The following SLC24A3 variants were observed in gnomAD, a reference collection of about 807,000 sequenced individuals.
The protein encoded by SLC24A3 is solute carrier family 24 member 3.
In SLC24A3, 28 loss-of-function variants were observed where a neutral mutation model predicts 75.8. The observed-to-expected ratio is 0.37, with a 90% CI of 0.27 to 0.51. The LOEUF (loss-of-function observed/expected upper bound fraction) is 0.51, where lower values mean the gene tolerates loss of function less well. SLC24A3 is among the 20% of genes least tolerant of loss of function. The pLI is 0.94. For missense variants in SLC24A3, 663 were observed against 847.8 expected (o/e 0.78, Z 2.71); for synonymous variants, 372 against 334.1 (o/e 1.11, Z -1.24).
intron 2 of SLC24A3, among the ~76,000 whole-genome samples, chr20:19,327,714 C>T (rs1984902234): frequency 6.6e-6 from 1 of 152,186 alleles, no homozygotes; most frequent in Non-Finnish European, 1.5e-5. Context: ...CTTGGTTTCC[C>T]CTACTTTCAT....
intron 2 of SLC24A3, among the ~76,000 whole-genome samples, chr20:19,450,542 G>C (rs1301231563): frequency 6.6e-6 from 1 of 152,150 alleles, no homozygotes; most frequent in Non-Finnish European, 1.5e-5. Flanking sequence ...CACCTGCCCA[G>C]TCCCCCTCAC....
intron 7 of SLC24A3, among the ~76,000 whole-genome samples, chr20:19,658,551 C>T (rs1379611071): frequency 6.6e-6 from 1 of 152,168 alleles, no homozygotes; most frequent in Admixed American, 6.5e-5. Flanking sequence ...TTGTCTAAAG[C>T]AATTATAATT....
At chr20:19,585,181 G>T in intron 5 of SLC24A3, 126 bp downstream of exon 5, 1 of 849,476 alleles carries the variant, frequency 1.2e-6, no homozygotes, top group East Asian at 2.6e-5. Flanking sequence ...GGACCCCAAT[G>T]AGTAGAACAT....
At chr20:19,588,603 A>C (rs1964920984) in intron 6 of SLC24A3, among the ~76,000 whole-genome samples, 1 of 152,244 alleles carries the variant, frequency 6.6e-6, no homozygotes, top group African/African-American at 2.4e-5. Flanking sequence ...TGGCTTATAG[A>C]GAGGTTCTTG....
At chr20:19,443,808 C>T (rs1290311750) in intron 2 of SLC24A3, among the ~76,000 whole-genome samples, 2 of 152,148 alleles carry the variant, frequency 1.3e-5, no homozygotes, top group East Asian at 1.9e-4. Flanking sequence ...TTAAACCCTC[C>T]CCATAACTGG....
At chr20:19,400,068 C>G (rs1194743501) in intron 2 of SLC24A3, among the ~76,000 whole-genome samples, 1 of 152,140 alleles carries the variant, frequency 6.6e-6, no homozygotes, top group East Asian at 1.9e-4. Context: ...GTTATAACAA[C>G]TTTTCTAATG....
chr20:19,652,647 G>A (rs2032220642), intron 6 of SLC24A3, among the ~76,000 whole-genome samples: 1 of 152,246 alleles, frequency 6.6e-6, no homozygotes. Flanking sequence ...CATATAGGAA[G>A]TGGGGAATGC....
At chr20:19,590,354 T>G (rs917212009) in intron 6 of SLC24A3, among the ~76,000 whole-genome samples, 3 of 152,092 alleles carry the variant, frequency 2.0e-5, no homozygotes, top group African/African-American at 7.2e-5. Context: ...GATTTCTATC[T>G]TATTGTTCCC....
intron 2 of SLC24A3, among the ~76,000 whole-genome samples, chr20:19,347,601 T>G (rs1236115859): frequency 4.3e-4 from 66 of 152,232 alleles, no homozygotes; most frequent in Admixed American, 4.3e-3. Context: ...TTTTAAAAAT[T>G]AGTATTTGTG....
intron 1 of SLC24A3, among the ~76,000 whole-genome samples, chr20:19,271,578 G>A (rs1983331223): frequency 6.6e-6 from 1 of 152,186 alleles, no homozygotes; most frequent in Admixed American, 6.5e-5. Context: ...CAAAAATATG[G>A]AATCAGGCTA....
intron 2 of SLC24A3, among the ~76,000 whole-genome samples, chr20:19,431,577 TC>T (rs1987103884): frequency 1.3e-5 from 2 of 152,118 alleles, no homozygotes; most frequent in South Asian, 4.2e-4. Flanking sequence ...GAGCCTCCCC[TC>T]CCAGCTGCCT....
At chr20:19,294,509 A>G (rs1328719300) in intron 2 of SLC24A3, among the ~76,000 whole-genome samples, 1 of 151,976 alleles carries the variant, frequency 6.6e-6, no homozygotes, top group African/African-American at 2.4e-5. Flanking sequence ...TTCAGCTCCT[A>G]CTTACATGTG....
In SLC24A3 at chr20:19,721,298, GA is replaced by G; in HGVS notation, c.*159del. 1.1e-6 allele frequency: 1 copy of G among 913,072 alleles called. No individual in the cohort carries two copies. The highest frequency in any genetic ancestry group is 1.6e-6 in the Non-Finnish European group (1 of 619,218). The allele number at this position is 913,072 out of a possible 1,614,324, so 56.6% of individuals were successfully genotyped here. A position where few individuals can be genotyped will look rare whatever the true frequency, so the allele number is the denominator to read the frequency against. ...GTTTTGGTGGCCCAGGCTCTCCCCT[GA>G]CCCATCCTCGCTCCCCCACCTCCTT... On this transcript the variant is annotated 3_prime_UTR_variant, in exon 17 of 17. Transcript: ENST00000328041.
At chr20:19,235,070 A>G (rs1982126292) in intron 1 of SLC24A3, among the ~76,000 whole-genome samples, 1 of 152,178 alleles carries the variant, frequency 6.6e-6, no homozygotes, top group Non-Finnish European at 1.5e-5. Context: ...AGGATACTTG[A>G]CTCATTTCTT....
intron 1 of SLC24A3, among the ~76,000 whole-genome samples, chr20:19,244,505 C>T (rs1216130559): frequency 2.6e-5 from 4 of 152,010 alleles, no homozygotes; most frequent in Non-Finnish European, 5.9e-5. Flanking sequence ...CAGCGCTGGG[C>T]AAGTCTATGG....
chr20:19,498,974 A>G (rs1464461259), intron 2 of SLC24A3, among the ~76,000 whole-genome samples: 1 of 152,210 alleles, frequency 6.6e-6, no homozygotes, highest in East Asian at 1.9e-4. Context: ...ACATGGCAAG[A>G]CCACAGACTT....
chr20:19,555,454 C>G (rs2030767032), intron 3 of SLC24A3, among the ~76,000 whole-genome samples: 1 of 152,132 alleles, frequency 6.6e-6, no homozygotes. Flanking sequence ...TTCCATTAGT[C>G]TCGACAATGG....
intron 2 of SLC24A3, among the ~76,000 whole-genome samples, chr20:19,363,567 G>C (rs1185635386): frequency 6.6e-6 from 1 of 152,112 alleles, no homozygotes; most frequent in Non-Finnish European, 1.5e-5. Context: ...TGTCTGCTGG[G>C]GATGCCCATT....
intron 2 of SLC24A3, among the ~76,000 whole-genome samples, chr20:19,475,475 C>G (rs1323945832): frequency 1.3e-5 from 2 of 152,024 alleles, no homozygotes; most frequent in Non-Finnish European, 2.9e-5. Context: ...TATGATAGAC[C>G]TAGAAAATCA....
Sources: allele counts gnomAD v4.1 joint callset (sites outside exome capture counted in the v4.1 genomes callset), GRCh38; gene constraint gnomAD v4.1.1; transcripts MANE v1.5; gene names NCBI Gene and HGNC (gene_info 2026-07-23, HGNC 2026-07-21).